Variants in ANXA8 observed in about 807,000 individuals in gnomAD.
The protein encoded by ANXA8 is VAC-beta.
ANXA8 carries 9 observed loss-of-function variants against 26.8 expected under a neutral mutation model. The observed-to-expected ratio is 0.34, with a 90% CI of 0.20 to 0.59. The LOEUF is 0.59. ANXA8 is among the 20% of genes least tolerant of loss of function. The probability of loss-of-function intolerance (pLI) is 0.84; values close to 1 mark genes in which losing one functional copy is unlikely to be tolerated. For synonymous variants in ANXA8, 39 were observed against 94.8 expected, an observed-to-expected ratio of 0.41 and a Z score of 3.42; for missense variants, 83 against 238.5, an observed-to-expected ratio of 0.35 and a Z score of 4.29.
At chr10:47,580,445 T>C in the ANXA8 span, among the ~76,000 whole-genome samples, 1 of 151,086 alleles carries the variant, frequency 6.6e-6, no homozygotes, top group Non-Finnish European at 1.5e-5. Context: ...AGGTCAAAAT[T>C]ATATGAAGGG....
At chr10:47,988,985 A>G in the ANXA8 span, among the ~76,000 whole-genome samples, 2 of 151,266 alleles carry the variant, frequency 1.3e-5, no homozygotes, top group Non-Finnish European at 3.0e-5. Context: ...TAGCACTTCA[A>G]GCCCCTTGTG....
the ANXA8 span, among the ~76,000 whole-genome samples, chr10:47,556,534 C>A: frequency 6.6e-6 from 1 of 151,780 alleles, no homozygotes; most frequent in African/African-American, 2.4e-5. Flanking sequence ...TTAACAAGAT[C>A]CCCCTTTTAA....
chr10:47,619,210 T>A, the ANXA8 span, among the ~76,000 whole-genome samples: 1 of 113,324 alleles, frequency 8.8e-6, no homozygotes, highest in Non-Finnish European at 1.9e-5. Flanking sequence ...ACTCTGTAAT[T>A]TTTAAAAGGC....
chr10:47,680,724 C>T, the ANXA8 span, among the ~76,000 whole-genome samples: 5 of 151,782 alleles, frequency 3.3e-5, no homozygotes, highest in Non-Finnish European at 7.4e-5. Flanking sequence ...TTCTCTTGTA[C>T]TTACCAGCTG....
the ANXA8 span, among the ~76,000 whole-genome samples, chr10:47,609,197 C>T: frequency 6.8e-6 from 1 of 146,544 alleles, no homozygotes; most frequent in East Asian, 1.9e-4. Context: ...AAAGTAGTCC[C>T]TTCCTAACTT....
At chr10:47,736,456 C>T in the ANXA8 span, among the ~76,000 whole-genome samples, 1 of 80,516 alleles carries the variant, frequency 1.2e-5, no homozygotes, top group African/African-American at 4.9e-5. Flanking sequence ...ATATCAACTA[C>T]ACAGGATTCC....
At chr10:47,768,811 G>A in the ANXA8 span, among the ~76,000 whole-genome samples, 9 of 151,678 alleles carry the variant, frequency 5.9e-5, 1 homozygote, top group Admixed American at 5.9e-4. Context: ...GATGAAGAGA[G>A]TAGGCAGCTG....
the ANXA8 span, among the ~76,000 whole-genome samples, chr10:47,668,011 T>C: frequency 2.0e-5 from 3 of 151,938 alleles, no homozygotes; most frequent in Middle Eastern, 3.2e-3. Flanking sequence ...GTGCTGGGAT[T>C]ATGGGCGTGA....
the ANXA8 span, among the ~76,000 whole-genome samples, chr10:47,699,344 C>CAAAAAAAAAA: frequency 1.7e-4 from 9 of 54,140 alleles, no homozygotes; most frequent in African/African-American, 5.2e-4. Context: ...ATTCTGTCTC[C>CAAAAAAAAAA]AAAAAAAAAA....
the ANXA8 span, among the ~76,000 whole-genome samples, chr10:47,944,819 T>C: frequency 6.7e-6 from 1 of 149,290 alleles, no homozygotes; most frequent in Non-Finnish European, 1.5e-5. Flanking sequence ...TTATTAGCAG[T>C]GTGAGAATGA....
the ANXA8 span, among the ~76,000 whole-genome samples, chr10:47,527,665 T>G: frequency 7.1e-6 from 1 of 141,234 alleles, no homozygotes; most frequent in African/African-American, 2.7e-5. Flanking sequence ...TGTGTGTGTG[T>G]GAGTGAGCTG....
chr10:47,970,986 C>T, the ANXA8 span, among the ~76,000 whole-genome samples: 2 of 151,506 alleles, frequency 1.3e-5, no homozygotes, highest in African/African-American at 4.8e-5. Context: ...ACAGGAAAGA[C>T]ATCTGGGAGG....
the ANXA8 span, among the ~76,000 whole-genome samples, chr10:47,636,831 T>G: frequency 6.6e-6 from 1 of 151,462 alleles, no homozygotes; most frequent in African/African-American, 2.4e-5. Context: ...GTTTGGTTAT[T>G]CACAGATAGG....
At chr10:47,667,655 T>G in the ANXA8 span, among the ~76,000 whole-genome samples, 2 of 151,838 alleles carry the variant, frequency 1.3e-5, no homozygotes, top group African/African-American at 4.9e-5. Context: ...TGGGTTCAGG[T>G]GATTCTGGTG....
At chr10:47,566,308 A>T in the ANXA8 span, among the ~76,000 whole-genome samples, 12 of 150,216 alleles carry the variant, frequency 8.0e-5, no homozygotes, top group South Asian at 4.2e-4. Context: ...CCCCTCCCTG[A>T]TCCCCCGCCC....
the ANXA8 span, among the ~76,000 whole-genome samples, chr10:47,594,066 C>G: frequency 6.8e-6 from 1 of 147,736 alleles, no homozygotes; most frequent in Non-Finnish European, 1.5e-5. Context: ...AGGCCTTCAG[C>G]CACAGACTGA....
chr10:47,528,082 GT>G, the ANXA8 span, among the ~76,000 whole-genome samples: 901 of 127,584 alleles, frequency 7.1e-3, 16 homozygotes, highest in African/African-American at 0.022. Context: ...TTAACAGAAT[GT>G]TTTTTTTTTT....
chr10:47,697,135 A>T, the ANXA8 span, among the ~76,000 whole-genome samples: 2 of 152,126 alleles, frequency 1.3e-5, no homozygotes, highest in African/African-American at 2.4e-5. Context: ...AAAGTAAGGG[A>T]AACAGTATAA....
the ANXA8 span, among the ~76,000 whole-genome samples, chr10:47,683,859 A>G: frequency 6.6e-6 from 1 of 151,298 alleles, no homozygotes; most frequent in Non-Finnish European, 1.5e-5. Flanking sequence ...AGGCATTACT[A>G]CAGGGAGTTT....
Sources: allele counts gnomAD v4.1 joint callset (sites outside exome capture counted in the v4.1 genomes callset), GRCh38; gene constraint gnomAD v4.1.1; transcripts MANE v1.5; gene names NCBI Gene and HGNC (gene_info 2026-07-23, HGNC 2026-07-21).